CRYBG2: variants seen among roughly 807,000 people sequenced by gnomAD.
CRYBG2 encodes beta/gamma crystallin domain-containing protein 2.
Under a neutral mutation model 153.4 loss-of-function variants are expected in CRYBG2, and 106 were observed. The observed-to-expected ratio is 0.69, with a 90% confidence interval of 0.59 to 0.81. The LOEUF (loss-of-function observed/expected upper bound fraction) is 0.81. Among genes scored for constraint, CRYBG2 ranks in the 30% least tolerant of loss-of-function variants. The pLI, the probability that CRYBG2 is intolerant of heterozygous loss-of-function variation, is 0.00. For synonymous variants in CRYBG2, 851 were observed against 877.8 expected (o/e 0.97, Z 0.54); for missense variants, 1,996 against 2,112.0 (o/e 0.95, Z 1.08).
rs10611174 is a variant in CRYBG2 at position 26,324,504 on chromosome 1, TCACACACACACACA to T, written c.4579-208_4579-195del. On this transcript the variant is annotated intron_variant, in intron 17 of 19. Coordinates refer to ENST00000308182, the MANE Select transcript of CRYBG2 (RefSeq NM_001039775.4). Reference sequence around the variant, plus strand: ...GAGAGCACATGTATCTCTCTCTCTCTCACACACACACACACACACACACACACACACAGTTCCAT... The same window carrying T: ...GAGAGCACATGTATCTCTCTCTCTCTCACACACACACACACACAGTTCCAT... Among the ~76,000 whole-genome samples, 722 of 126,582 alleles carry T rather than the reference TCACACACACACACA, an allele frequency of 5.7e-3. 6 individuals are homozygous for T. The highest frequency in any genetic ancestry group is 0.02 in the African/African-American group (681 of 34,750). The allele number at this position is 126,582 out of a possible 152,430, so 83.0% of individuals were successfully genotyped here.
At position 26,346,703 on chromosome 1, in the gene CRYBG2, G is replaced by T; in HGVS notation, c.-46C>A. The T allele has an allele frequency of 2.7e-6, 4 of 1,471,120 alleles. No individual in the cohort carries two copies. Among genetic ancestry groups the T allele is most frequent in the Non-Finnish European group, 2.7e-6 (3 of 1,109,178 alleles). 91.1% of individuals were successfully genotyped at this position (1,471,120 alleles called of 1,614,324 possible). The stretch of plus-strand genomic sequence containing the variant: ...CTGGAGGTGTCCTTGTCCCACTGTG[G>T]TCCAGCTCCCTGCAGAGGAATAAGA... On this transcript the variant is annotated 5_prime_UTR_variant, in exon 2 of 20. Coordinates refer to ENST00000308182, the MANE Select transcript of CRYBG2 (RefSeq NM_001039775.4). The surrounding 1 kb of genome is among the most constrained non-coding windows in gnomAD (Gnocchi z 4.9).
intron 14 of CRYBG2, among the ~76,000 whole-genome samples, chr1:26,335,409 G>A (rs367915504): frequency 1.3e-5 from 2 of 151,928 alleles, no homozygotes; most frequent in Non-Finnish European, 2.9e-5. Flanking sequence ...CCTGGGAGGC[G>A]GAGGTTGCGG....
Position 26,325,909 on chromosome 1 carries a change from AT to A in CRYBG2, c.4579-1600del, listed in dbSNP as rs373671219. On this transcript the variant is annotated intron_variant, in intron 17 of 19. Transcript: ENST00000308182. The surrounding 1 kb of genome is among the most constrained non-coding windows in gnomAD (Gnocchi z 4.1). ...ACTTTCAGTCCTATGTGGCTAAACT[AT>A]TTTTTTTTTGAGACAGGGTCTCGCT... Among the ~76,000 whole-genome samples, 19 of 149,718 alleles carry A rather than the reference AT, an allele frequency of 1.3e-4. No homozygotes were observed. The highest frequency in any genetic ancestry group is 2.9e-4 in the African/African-American group (12 of 40,926).
intron 1 of CRYBG2, among the ~76,000 whole-genome samples, chr1:26,352,554 C>T (rs888395653): frequency 2.0e-5 from 3 of 152,106 alleles, no homozygotes; most frequent in Non-Finnish European, 2.9e-5. Context: ...CACTTCTTCT[C>T]GACTCCCATA....
At chr1:26,328,981 T>C in intron 15 of CRYBG2, 108 bp from the exon 16 acceptor site, 1 of 1,369,470 alleles carries the variant, frequency 7.3e-7, no homozygotes, top group South Asian at 1.3e-5. Flanking sequence ...CAGGCCTTCT[T>C]CCCTCCTGAG....
At position 26,336,511 on chromosome 1, in the gene CRYBG2, G is replaced by T. The variant is rs1333546580; in HGVS notation, c.4038+95C>A. On this transcript the variant is annotated intron_variant, in intron 12 of 19. Coordinates refer to ENST00000308182, the MANE Select transcript of CRYBG2 (RefSeq NM_001039775.4). This position sits in a 1 kb window ranked among gnomAD's most constrained non-coding sequence, Gnocchi z 4.9. ...GGCCCCGCCCCAAGCGCCCAGGCAGGTCCTCCAGCCCGCTACCTCTGCGTG... is the reference window on the plus strand; with the variant it reads ...GGCCCCGCCCCAAGCGCCCAGGCAGTTCCTCCAGCCCGCTACCTCTGCGTG... 4 of 1,545,280 alleles carry T rather than the reference G, an allele frequency of 2.6e-6. No homozygotes were observed. The Admixed American group carries it at 6.0e-5, about 23-fold the overall frequency.
At chr1:26,333,147 C>A (rs1326213117) in intron 14 of CRYBG2, among the ~76,000 whole-genome samples, 1 of 150,736 alleles carries the variant, frequency 6.6e-6, no homozygotes, top group Non-Finnish European at 1.5e-5. Context: ...TGTGTCCTCC[C>A]AAAATCATAT....
In CRYBG2 at chr1:26,344,063, G is replaced by T; in HGVS notation, c.2595C>A (p.Pro865=). The T allele has an allele frequency of 6.5e-7, 1 of 1,536,184 alleles. No individual in the cohort carries two copies. Among genetic ancestry groups the T allele is most frequent in the South Asian group, 1.2e-5 (1 of 84,066 alleles). Residue 865 remains proline, a synonymous_variant, in exon 2 of 20, where the codon CCC becomes CCA. Coordinates refer to ENST00000308182, the MANE Select transcript of CRYBG2 (RefSeq NM_001039775.4). ...CCAGAGGAGAGCAGGAGACCTGGGT[G>T]GGTCTGGCAGGGTGGAGGTCCCTGG... is the stretch of plus-strand genomic sequence containing the variant. ...SPSRDLHPAR[P]TQVSCSPLEM... is the part of the protein sequence containing the mutation.
rs1048058124 is a variant in CRYBG2, at chr1:26,337,068, G to A, written c.3772-88C>T. 1.9e-4 allele frequency: 291 copies of A among 1,572,754 alleles called. 1 individual carries two copies. Among genetic ancestry groups the A allele is most frequent in the Admixed American group, 1.6e-4 (9 of 56,202 alleles). ...GACCCCAGGGTCACAGCCCACCCGG[G>A]GAATTAGGGGTGAGGCTGTCAGTAC... On this transcript the variant is annotated intron_variant, in intron 10 of 19. Coordinates refer to ENST00000308182, the MANE Select transcript of CRYBG2 (RefSeq NM_001039775.4).
chr1:26,328,834 A>G lies in CRYBG2; in HGVS notation c.4354T>C (p.Cys1452Arg), dbSNP rs1481742769. The G allele has an allele frequency of 1.9e-6, 3 of 1,613,994 alleles. No homozygotes were observed. Among genetic ancestry groups the G allele is most frequent in the Admixed American group, 3.3e-5 (2 of 59,994 alleles). The change falls in exon 16 of 20, where the codon TGC (cysteine) becomes CGC (arginine). Residue 1452 changes from cysteine (C) to arginine (R), a missense_variant. By Grantham distance (180) the Cys-to-Arg change is radical. Transcript: ENST00000308182. ...AGCTCGATCTCCTTCCCCTCGAAGCACTCGAGTCCATACAGGAAAATGGAA... is the reference window on the plus strand; with the variant it reads ...AGCTCGATCTCCTTCCCCTCGAAGCGCTCGAGTCCATACAGGAAAATGGAA... ...EPSIFLYGLE[C>R]FEGKEIELSR...
intron 17 of CRYBG2, chr1:26,326,839 C>G: frequency 1.9e-6 from 1 of 515,166 alleles, no homozygotes; most frequent in Non-Finnish European, 3.9e-6. Context: ...TGTGCCCAGG[C>G]AGACTTCAAG....
In CRYBG2 at chr1:26,325,356, G is replaced by A. The variant is rs1342858882; in HGVS notation, c.4579-1046C>T. Among the ~76,000 whole-genome samples, 1 of 152,180 alleles carries A rather than the reference G, an allele frequency of 6.6e-6. No homozygotes were observed. The highest frequency in any genetic ancestry group is 1.5e-5 in the Non-Finnish European group (1 of 68,036). The stretch of plus-strand genomic sequence containing the variant: ...GTGGATCACCTGAGGTCAGGAGTTC[G>A]AGGTCAGCCTGGCCAACATGGCAAA... On this transcript the variant is annotated intron_variant, in intron 17 of 19. Coordinates refer to ENST00000308182, the MANE Select transcript of CRYBG2 (RefSeq NM_001039775.4). This position sits in a 1 kb window ranked among gnomAD's most constrained non-coding sequence, Gnocchi z 4.1.
At chr1:26,332,480 T>C (rs765158995) in intron 14 of CRYBG2, among the ~76,000 whole-genome samples, 2 of 152,116 alleles carry the variant, frequency 1.3e-5, no homozygotes, top group African/African-American at 2.4e-5. Flanking sequence ...TCACATGCCA[T>C]AAAATTCACA....
rs558337813 is a variant in CRYBG2, at chr1:26,325,395, C to G, written c.4579-1085G>C. On this transcript the variant is annotated intron_variant, in intron 17 of 19. Transcript: ENST00000308182. The surrounding 1 kb of genome is among the most constrained non-coding windows in gnomAD (Gnocchi z 4.1). ...CAACATGGCAAAACCCTGTCTGTAC[C>G]AAAAATACAAAAAAATTAGCCAGGT... 6.6e-5 allele frequency among the ~76,000 whole-genome samples: 10 copies of G among 151,934 alleles called. No homozygotes were observed. Among genetic ancestry groups the G allele is most frequent in the Non-Finnish European group, 1.0e-4 (7 of 67,974 alleles).
rs962609267 is a variant in CRYBG2, at chr1:26,344,728, G to T, written c.1930C>A (p.Gln644Lys). ...GCAATACCCTGGACAGCCTCTTTTT[G>T]GATGCTACTGCTGCCTTTTGGGCCC... ...VQGPKGSSSI[Q>K]KEAVQGIAGS... Residue 644 changes from glutamine to lysine, a missense_variant, in exon 2 of 20, where the codon CAA (glutamine) becomes AAA (lysine). Coordinates refer to ENST00000308182, the MANE Select transcript of CRYBG2 (RefSeq NM_001039775.4). 2 of 1,534,582 alleles carry T rather than the reference G, an allele frequency of 1.3e-6. No homozygotes were observed. Among genetic ancestry groups the T allele is most frequent in the Non-Finnish European group, 1.7e-6 (2 of 1,145,998 alleles).
chr1:26,353,444 CAAAT>C (rs2124076327), intron 1 of CRYBG2, among the ~76,000 whole-genome samples: 1 of 152,278 alleles, frequency 6.6e-6, no homozygotes, highest in African/African-American at 2.4e-5. Flanking sequence ...CATTTCAACA[CAAAT>C]AAAACTAGGC....
chr1:26,351,242 C>T (rs1045067681), intron 1 of CRYBG2, among the ~76,000 whole-genome samples: 1 of 152,180 alleles, frequency 6.6e-6, no homozygotes, highest in African/African-American at 2.4e-5. Context: ...TCATGCAACC[C>T]CTGCCCTCCT....
chr1:26,345,539 A>T lies in CRYBG2; in HGVS notation c.1119T>A (p.Pro373=), dbSNP rs1441115139. 1 of 1,603,192 alleles carries T rather than the reference A, an allele frequency of 6.2e-7. No homozygotes were observed. The highest frequency in any genetic ancestry group is 2.2e-5 in the East Asian group (1 of 44,708). ...SPGLTHPAKQ[P]VVPTHPGARL... ...GGGCCCCGGGGTGAGTGGGCACCAC[A>T]GGCTGCTTTGCAGGGTGAGTTAGGC... The change falls in exon 2 of 20, where the codon CCT becomes CCA. Residue 373 remains proline, a synonymous_variant. Transcript: ENST00000308182.
At chr1:26,339,152 A>G (rs1451972016) in intron 6 of CRYBG2, 138 bp downstream of exon 6, 2 of 1,088,126 alleles carry the variant, frequency 1.8e-6, no homozygotes, top group Non-Finnish European at 1.3e-6. Context: ...CTGAATTGCT[A>G]TTGTCTGCTT....
Sources: gnomAD v4.1 joint callset for allele counts (sites outside exome capture counted in the v4.1 genomes callset) on GRCh38, gnomAD v4.1.1 for gene constraint, Gnocchi (gnomAD v3.1) non-coding constraint, MANE v1.5 for transcripts, NCBI Gene and HGNC (gene_info 2026-07-23, HGNC 2026-07-21) for gene names.